Variants in MAST3 observed in about 807,000 individuals in gnomAD.
MAST3 encodes microtubule associated serine/threonine kinase 3.
A neutral mutation model predicts 127.0 loss-of-function variants in MAST3; 43 were observed. That is an observed-to-expected ratio of 0.34 (90% CI 0.27 to 0.44). The LOEUF is 0.44. Ranked by LOEUF, MAST3 falls within the 20% of genes least tolerant of loss-of-function variation. The pLI is 1.00. For missense variants in MAST3, 1,390 were observed against 1,919.1 expected, an observed-to-expected ratio of 0.72 and a Z score of 5.15; for synonymous variants, 785 against 809.2, an observed-to-expected ratio of 0.97 and a Z score of 0.51.
chr19:18,105,663 A>C (rs540540330), intron 1 of MAST3, among the ~76,000 whole-genome samples: 2 of 151,996 alleles, frequency 1.3e-5, no homozygotes, highest in Non-Finnish European at 2.9e-5. Flanking sequence ...ACAAGAGCAA[A>C]AGTCTGTCTC....
In MAST3 at chr19:18,149,357, C is replaced by T. The variant is rs1376931207; in HGVS notation, c.3675C>T (p.Ser1225=). Residue 1225 remains serine, a synonymous_variant, in exon 28 of 28, where the codon TCC becomes TCT. Transcript: ENST00000687212. The surrounding 1 kb of genome is among the most constrained non-coding windows in gnomAD (Gnocchi z 5.9). ...RRKSTSSIPP[S]PLACPPISAP... ...AGTCCACCAGCAGCATCCCGCCCTCCCCGCTGGCCTGCCCGCCCATCTCCG... is the reference window on the plus strand; with the variant it reads ...AGTCCACCAGCAGCATCCCGCCCTCTCCGCTGGCCTGCCCGCCCATCTCCG... 1 of 1,506,092 alleles carries T rather than the reference C, an allele frequency of 6.6e-7. No homozygotes were observed. Among genetic ancestry groups the T allele is most frequent in the South Asian group, 1.3e-5 (1 of 79,680 alleles). 93.3% of individuals were successfully genotyped at this position (1,506,092 alleles called of 1,614,324 possible).
intron 18 of MAST3, 78 bp downstream of exon 18, chr19:18,135,919 G>A (rs979525679): frequency 2.7e-6 from 3 of 1,123,186 alleles, no homozygotes; most frequent in Non-Finnish European, 3.9e-6. Flanking sequence ...ATAGCGCCCG[G>A]GGTAGACAAG....
Position 18,149,453 on chromosome 19 carries a change from C to T in MAST3, c.3771C>T (p.Arg1257=), listed in dbSNP as rs2147906690. 6.5e-7 allele frequency: 1 copy of T among 1,534,156 alleles called. No individual in the cohort carries two copies. The highest frequency in any genetic ancestry group is 2.0e-5 in the Admixed American group (1 of 49,928). ...CACCTGCCCGATCCCCGCGGCTGCGCCGGGGCCAGTCAGCTGACAAGCTGG... is the reference window on the plus strand; with the variant it reads ...CACCTGCCCGATCCCCGCGGCTGCGTCGGGGCCAGTCAGCTGACAAGCTGG... The part of the protein sequence containing the change: ...PPAPARSPRL[R]RGQSADKLGT... Residue 1257 remains arginine (R), a synonymous_variant, in exon 28 of 28, where the codon CGC becomes CGT. Coordinates refer to ENST00000687212, the MANE Select transcript of MAST3 (RefSeq NM_001393504.1). This position sits in a 1 kb window ranked among gnomAD's most constrained non-coding sequence, Gnocchi z 5.9.
intron 17 of MAST3, 118 bp downstream of exon 17, chr19:18,135,100 G>C: frequency 8.0e-7 from 1 of 1,250,234 alleles, no homozygotes; most frequent in Non-Finnish European, 1.1e-6. Context: ...TGGATGCCAG[G>C]TGGGGAGGCG....
chr19:18,121,639 C>T (rs746078055), intron 3 of MAST3, 46 bp from the exon 4 acceptor site: 19 of 1,533,968 alleles, frequency 1.2e-5, no homozygotes, highest in Admixed American at 5.1e-5. Context: ...TGGCTTAGCG[C>T]GGGGCCCTGG....
intron 19 of MAST3, among the ~76,000 whole-genome samples, chr19:18,137,895 A>G (rs2042041912): frequency 6.6e-6 from 1 of 152,172 alleles, no homozygotes; most frequent in African/African-American, 2.4e-5. Context: ...AATGAGGAAC[A>G]TCCTTTATGT....
chr19:18,143,936 T>A lies in MAST3; in HGVS notation c.2513T>A (p.Val838Asp), dbSNP rs1202457500. The change falls in exon 22 of 28, where the codon GTC becomes GAC. Residue 838 changes from valine (V) to aspartate (D), a missense_variant. Transcript: ENST00000687212. Reference protein sequence around the residue: ...GPGPAGPKRPVFILGEPDPPP... With the variant: ...GPGPAGPKRPDFILGEPDPPP... ...GGCCCTGCAGGCCCCAAGAGGCCCG[T>A]CTTCATTCTAGGGGAGCCTGACCCC... The A allele has an allele frequency of 1.9e-6, 3 of 1,611,358 alleles. No homozygotes were observed. The highest frequency in any genetic ancestry group is 2.2e-5 in the East Asian group (1 of 44,804).
chr19:18,137,420 G>T (rs1475962514), intron 19 of MAST3, 59 bp downstream of exon 19: 2 of 1,555,856 alleles, frequency 1.3e-6, no homozygotes, highest in East Asian at 4.5e-5. Flanking sequence ...CTCAGTCCCT[G>T]GGGGCAGAGG....
At chr19:18,116,395 C>A (rs1042069133) in intron 3 of MAST3, among the ~76,000 whole-genome samples, 1 of 151,048 alleles carries the variant, frequency 6.6e-6, no homozygotes, top group East Asian at 2.0e-4. Flanking sequence ...TGGGTTCAAG[C>A]GATTCTCCTG....
At chr19:18,134,026 C>A (rs549448163) in intron 15 of MAST3, among the ~76,000 whole-genome samples, 3 of 152,188 alleles carry the variant, frequency 2.0e-5, no homozygotes, top group Non-Finnish European at 4.4e-5. Context: ...AAAATACATT[C>A]CAGAGAATTC....
Position 18,149,382 on chromosome 19 carries a change from G to A in MAST3, c.3700G>A (p.Ala1234Thr), listed in dbSNP as rs1411332531. 21 of 1,465,198 alleles carry A rather than the reference G, an allele frequency of 1.4e-5. No homozygotes were observed. In the Admixed American group the frequency reaches 2.6e-4, roughly 18 times the overall value. 90.8% of individuals were successfully genotyped at this position (1,465,198 alleles called of 1,614,324 possible). A position where few individuals can be genotyped will look rare whatever the true frequency, so the allele number is the denominator to read the frequency against. The change falls in exon 28 of 28, where the codon GCG becomes ACG. Residue 1234 changes from alanine to threonine, a missense_variant. Coordinates refer to ENST00000687212, the MANE Select transcript of MAST3 (RefSeq NM_001393504.1). This position sits in a 1 kb window ranked among gnomAD's most constrained non-coding sequence, Gnocchi z 5.9. ...CCCGCTGGCCTGCCCGCCCATCTCC[G>A]CGCCCCCACCCCGCTCGCCCTCGCC... ...PSPLACPPIS[A>T]PPPRSPSPLP...
chr19:18,123,804 C>A, intron 8 of MAST3, 135 bp from the exon 9 acceptor site: 1 of 1,059,318 alleles, frequency 9.4e-7, no homozygotes, highest in Non-Finnish European at 1.3e-6. Context: ...TGTCGTTCCT[C>A]CTGCACCAGC....
Position 18,149,902 on chromosome 19 carries a change from G to GA in MAST3, c.*176_*177insA. 2 of 750,846 alleles carry GA rather than the reference G, an allele frequency of 2.7e-6. No homozygotes were observed. The highest frequency in any genetic ancestry group is 4.1e-6 in the Non-Finnish European group (2 of 488,802). The allele number at this position is 750,846 out of a possible 1,614,324, so 46.5% of individuals were successfully genotyped here. On this transcript the variant is annotated 3_prime_UTR_variant, in exon 28 of 28. Coordinates refer to ENST00000687212, the MANE Select transcript of MAST3 (RefSeq NM_001393504.1). This position sits in a 1 kb window ranked among gnomAD's most constrained non-coding sequence, Gnocchi z 5.9. Reference sequence around the variant, plus strand: ...TCGCTTGTGTTCTGGTGTCAATCGGGGCTGGATGGGGCAAGAATGGGGGAC... The same window carrying GA: ...TCGCTTGTGTTCTGGTGTCAATCGGGAGCTGGATGGGGCAAGAATGGGGGAC...
At chr19:18,139,192 C>A in intron 20 of MAST3, 68 bp downstream of exon 20, 1 of 1,229,024 alleles carries the variant, frequency 8.1e-7, no homozygotes, top group Non-Finnish European at 1.2e-6. Context: ...GCTTTCGTAT[C>A]TGTTTTTTGA....
In MAST3 at chr19:18,150,682, CTATA is replaced by C. The variant is rs1224149791; in HGVS notation, c.*961_*964del. The C allele has an allele frequency of 1.3e-5, 2 of 152,296 alleles. No homozygotes were observed. The highest frequency in any genetic ancestry group is 4.8e-5 in the African/African-American group (2 of 41,448). The allele number at this position is 152,296 out of a possible 1,614,324, so 9.4% of individuals were successfully genotyped here. A position where few individuals can be genotyped will look rare whatever the true frequency, so the allele number is the denominator to read the frequency against. On this transcript the variant is annotated 3_prime_UTR_variant, in exon 28 of 28. Coordinates refer to ENST00000687212, the MANE Select transcript of MAST3 (RefSeq NM_001393504.1). ...CTGCCATGCCCAGGCAGTGCCTGCTCTATATATAGAGTCTGCCTCCAATCCTGCT... is the reference window on the plus strand; with the variant it reads ...CTGCCATGCCCAGGCAGTGCCTGCTCTATAGAGTCTGCCTCCAATCCTGCT...
intron 20 of MAST3, among the ~76,000 whole-genome samples, chr19:18,139,921 G>T (rs572931086): frequency 6.8e-6 from 1 of 147,384 alleles, no homozygotes; most frequent in Non-Finnish European, 1.5e-5. Flanking sequence ...CCGGGTTCAC[G>T]CCATTCTCCT....
At position 18,110,561 on chromosome 19, in the gene MAST3, G is replaced by A; in HGVS notation, c.72-91G>A. 1 of 859,796 alleles carries A rather than the reference G, an allele frequency of 1.2e-6. No homozygotes were observed. The highest frequency in any genetic ancestry group is 1.4e-6 in the Non-Finnish European group (1 of 714,926). 53.3% of individuals were successfully genotyped at this position (859,796 alleles called of 1,614,324 possible). A position where few individuals can be genotyped will look rare whatever the true frequency, so the allele number is the denominator to read the frequency against. ...CCCCGGTCTTGGGCCCCTACTCCCT[G>A]AGGGAACCGCAGCCGCCATCCGGAG... On this transcript the variant is annotated intron_variant, in intron 2 of 27. Transcript: ENST00000687212. This position sits in a 1 kb window ranked among gnomAD's most constrained non-coding sequence, Gnocchi z 4.3.
chr19:18,124,399 C>A lies in MAST3; in HGVS notation c.945+33C>A. On this transcript the variant is annotated intron_variant, in intron 10 of 27. Coordinates refer to ENST00000687212, the MANE Select transcript of MAST3 (RefSeq NM_001393504.1). ...TCTCTTTCTACGGCCAGCTTGGGGTCCAGGCAGAACTGAGATTGGGACCAC... is the reference window on the plus strand; with the variant it reads ...TCTCTTTCTACGGCCAGCTTGGGGTACAGGCAGAACTGAGATTGGGACCAC... 3 of 1,549,476 alleles carry A rather than the reference C, an allele frequency of 1.9e-6. No individual in the cohort carries two copies. In the South Asian group the frequency reaches 3.5e-5, roughly 18 times the overall value.
intron 20 of MAST3, among the ~76,000 whole-genome samples, chr19:18,141,534 A>G (rs569069771): frequency 3.3e-5 from 5 of 151,640 alleles, no homozygotes; most frequent in African/African-American, 1.2e-4. Flanking sequence ...CACCACGCCC[A>G]GCTAATTTTT....
Sources: allele counts gnomAD v4.1 joint callset (sites outside exome capture counted in the v4.1 genomes callset), GRCh38; gene constraint gnomAD v4.1.1; non-coding constraint Gnocchi (gnomAD v3.1); transcripts MANE v1.5; gene names NCBI Gene and HGNC (gene_info 2026-07-23, HGNC 2026-07-21).